Variants in CTNNA3 observed in about 807,000 individuals in gnomAD.
CTNNA3 encodes catenin alpha-3.
Under a neutral mutation model 95.7 loss-of-function variants are expected in CTNNA3, and 76 were observed. The ratio of observed to expected loss-of-function variants is 0.79; its 90% CI spans 0.66 to 0.96. CTNNA3 has a LOEUF of 0.96. Ranked by LOEUF, CTNNA3 falls within the 40% of genes least tolerant of loss-of-function variation. The pLI is 0.00. For missense variants in CTNNA3, 1,191 were observed against 1,089.8 expected (o/e 1.09, Z -1.31); for synonymous variants, 431 against 374.4 (o/e 1.15, Z -1.74).
At chr10:66,797,191 T>A (rs557858602) in intron 7 of CTNNA3, among the ~76,000 whole-genome samples, 2 of 151,996 alleles carry the variant, frequency 1.3e-5, no homozygotes, top group South Asian at 4.1e-4. Context: ...AATTCCTCAG[T>A]CCCAACTAAA....
At chr10:66,874,277 C>G (rs776056041) in intron 7 of CTNNA3, among the ~76,000 whole-genome samples, 2 of 152,052 alleles carry the variant, frequency 1.3e-5, no homozygotes, top group African/African-American at 4.8e-5. Context: ...GGCCAACTAC[C>G]GCCTCCATAA....
At chr10:67,224,190 C>T (rs1864786806) in intron 5 of CTNNA3, among the ~76,000 whole-genome samples, 1 of 152,052 alleles carries the variant, frequency 6.6e-6, no homozygotes, top group Admixed American at 6.6e-5. Context: ...GAGTTAGGTC[C>T]CTAGAACTTA....
chr10:66,187,460 A>C (rs1187631490), intron 13 of CTNNA3, among the ~76,000 whole-genome samples: 1 of 150,718 alleles, frequency 6.6e-6, no homozygotes, highest in African/African-American at 2.4e-5. Context: ...GAAAAACTAG[A>C]GAAGGCCCTA....
In CTNNA3 at chr10:67,738,805, C is replaced by T. The variant is rs537703176; in HGVS notation, c.-2+24629G>A. On this transcript the variant is annotated intron_variant, in intron 1 of 17. Coordinates refer to the CTNNA3 transcript ENST00000684154. ...AACTACATAACGAATGCACAAGCCTCGGAAGCCAATTCAATGAACTGGAAG... is the reference window on the plus strand; with the variant it reads ...AACTACATAACGAATGCACAAGCCTTGGAAGCCAATTCAATGAACTGGAAG... Among the ~76,000 whole-genome samples the T allele has an allele frequency of 1.1e-4, 16 of 151,978 alleles. No homozygotes were observed. In the South Asian group the frequency reaches 2.9e-3, roughly 28 times the overall value.
intron 7 of CTNNA3, among the ~76,000 whole-genome samples, chr10:67,137,760 T>C (rs1860367796): frequency 6.6e-6 from 1 of 152,076 alleles, no homozygotes; most frequent in South Asian, 2.1e-4. Flanking sequence ...TTAAATCCTT[T>C]TAAAAAAAGA....
At chr10:66,182,991 C>T (rs2086135856) in intron 13 of CTNNA3, among the ~76,000 whole-genome samples, 1 of 152,208 alleles carries the variant, frequency 6.6e-6, no homozygotes, top group African/African-American at 2.4e-5. Context: ...CCTCACCCAG[C>T]AGAGTGTTCA....
chr10:67,487,532 C>A (rs1234947074), intron 5 of CTNNA3, among the ~76,000 whole-genome samples: 2 of 152,180 alleles, frequency 1.3e-5, no homozygotes, highest in African/African-American at 4.8e-5. Flanking sequence ...GTAAAATCAT[C>A]TGGGGCAATC....
intron 17 of CTNNA3, among the ~76,000 whole-genome samples, chr10:65,946,648 T>G (rs2133194857): frequency 6.6e-6 from 1 of 152,318 alleles, no homozygotes; most frequent in African/African-American, 2.4e-5. Context: ...CTTTATTATT[T>G]AGTGCAAATT....
At chr10:66,994,339 A>G (rs1851209304) in intron 7 of CTNNA3, among the ~76,000 whole-genome samples, 1 of 152,222 alleles carries the variant, frequency 6.6e-6, no homozygotes, top group East Asian at 1.9e-4. Context: ...CCTTTAGCTA[A>G]TAACTTCGAA....
At chr10:67,209,712 A>T (rs1357605872) in intron 6 of CTNNA3, among the ~76,000 whole-genome samples, 2 of 152,138 alleles carry the variant, frequency 1.3e-5, no homozygotes, top group Non-Finnish European at 2.9e-5. Flanking sequence ...AATAAACAAA[A>T]AACAATTTTA....
intron 13 of CTNNA3, among the ~76,000 whole-genome samples, chr10:66,266,969 T>A (rs549757581): frequency 6.6e-6 from 1 of 152,022 alleles, no homozygotes; most frequent in African/African-American, 2.4e-5. Flanking sequence ...CCTTTAGTAG[T>A]AAATATATTG....
chr10:66,515,018 C>T (rs1035125597), intron 11 of CTNNA3, among the ~76,000 whole-genome samples: 1 of 152,112 alleles, frequency 6.6e-6, no homozygotes, highest in Admixed American at 6.5e-5. Context: ...TTTCAAGAAT[C>T]TTTAGTCAAT....
At chr10:67,064,330 T>A (rs547074207) in intron 7 of CTNNA3, among the ~76,000 whole-genome samples, 6 of 152,208 alleles carry the variant, frequency 3.9e-5, no homozygotes, top group African/African-American at 1.4e-4. Flanking sequence ...TTTTCTACAA[T>A]GATCCATCCC....
intron 10 of CTNNA3, among the ~76,000 whole-genome samples, chr10:66,537,320 C>T (rs1187559273): frequency 2.0e-5 from 3 of 152,070 alleles, no homozygotes; most frequent in Non-Finnish European, 4.4e-5. Flanking sequence ...TGTCAGAGGG[C>T]ATAGAGTTCA....
chr10:67,475,208 C>A (rs574101787), intron 5 of CTNNA3, among the ~76,000 whole-genome samples: 7 of 152,212 alleles, frequency 4.6e-5, no homozygotes, highest in African/African-American at 1.7e-4. Context: ...ATGTAACATT[C>A]TGAAAAAAGA....
intron 5 of CTNNA3, among the ~76,000 whole-genome samples, chr10:67,244,256 G>A (rs1000826490): frequency 4.6e-5 from 7 of 152,100 alleles, no homozygotes; most frequent in African/African-American, 9.7e-5. Flanking sequence ...TCACTTATAA[G>A]AAGGTGTGTC....
intron 13 of CTNNA3, among the ~76,000 whole-genome samples, chr10:66,211,983 G>GTTTTTTTTTTTTTTTTTTTTTTTTTTT (rs61453326): frequency 1.1e-5 from 1 of 95,012 alleles, no homozygotes; most frequent in Non-Finnish European, 2.0e-5. Flanking sequence ...TTGTTTTTGG[G>GTTTTTTTTTTTTTTTTTTTTTTTTTTT]TTTTTTTTTT....
chr10:67,185,659 T>C (rs1167998465), intron 6 of CTNNA3, among the ~76,000 whole-genome samples: 7 of 152,168 alleles, frequency 4.6e-5, no homozygotes, highest in African/African-American at 1.7e-4. Flanking sequence ...CATTTGCCAC[T>C]TTTACCACAT....
At chr10:66,292,569 G>A (rs766678550) in intron 12 of CTNNA3, among the ~76,000 whole-genome samples, 1 of 152,100 alleles carries the variant, frequency 6.6e-6, no homozygotes, top group Non-Finnish European at 1.5e-5. Context: ...ATTCTTGGCT[G>A]TGCCTCAATA....
Sources: gnomAD v4.1 joint callset for allele counts (sites outside exome capture counted in the v4.1 genomes callset) on GRCh38, gnomAD v4.1.1 for gene constraint, MANE v1.5 for transcripts, NCBI Gene and HGNC (gene_info 2026-07-23, HGNC 2026-07-21) for gene names.